The following ADAM22 variants were observed in gnomAD, a reference collection of about 807,000 sequenced individuals.
The protein encoded by ADAM22 is ADAM metallopeptidase domain 22, also known as disintegrin and metalloproteinase domain-containing protein 22.
A neutral mutation model predicts 144.6 loss-of-function variants in ADAM22; 65 were observed. That is an observed-to-expected ratio of 0.45 (90% CI 0.37 to 0.55). The LOEUF is 0.55. Ranked by LOEUF, ADAM22 falls within the 20% of genes least tolerant of loss-of-function variation. The probability of loss-of-function intolerance (pLI) is 0.00; values close to 1 mark genes in which losing one functional copy is unlikely to be tolerated. For missense variants in ADAM22, 974 were observed against 1,184.9 expected, an observed-to-expected ratio of 0.82 and a Z score of 2.61; for synonymous variants, 391 against 412.6, an observed-to-expected ratio of 0.95 and a Z score of 0.63.
At chr7:88,144,096 G>T (rs116535614) in intron 15 of ADAM22, among the ~76,000 whole-genome samples, 1,732 of 152,266 alleles carry the variant, frequency 0.011, 34 homozygotes, top group African/African-American at 0.039. Context: ...GACAAAAGTT[G>T]ACTCATTTGT....
chr7:88,057,985 A>T, intron 3 of ADAM22, among the ~76,000 whole-genome samples: 1 of 152,216 alleles, frequency 6.6e-6, no homozygotes, highest in East Asian at 1.9e-4. Context: ...ACAAACATTT[A>T]AAAATGACCC....
chr7:88,114,879 A>G (rs1464500228), intron 6 of ADAM22, among the ~76,000 whole-genome samples: 2 of 152,234 alleles, frequency 1.3e-5, no homozygotes, highest in Non-Finnish European at 2.9e-5. Context: ...AATGCATCAT[A>G]AAGTCAAAAA....
At chr7:88,039,109 G>C (rs1291859408) in intron 3 of ADAM22, among the ~76,000 whole-genome samples, 58 of 151,996 alleles carry the variant, frequency 3.8e-4, no homozygotes, top group Non-Finnish European at 1.3e-4. Context: ...AAGGATGGTA[G>C]TCATAATCAT....
At chr7:88,121,239 A>G (rs1829223390) in intron 7 of ADAM22, among the ~76,000 whole-genome samples, 1 of 151,986 alleles carries the variant, frequency 6.6e-6, no homozygotes, top group South Asian at 2.1e-4. Flanking sequence ...ACATTTCCCT[A>G]CAGATTTTAG....
chr7:87,974,377 A>G (rs1038118840), intron 2 of ADAM22, among the ~76,000 whole-genome samples: 3 of 152,162 alleles, frequency 2.0e-5, no homozygotes, highest in African/African-American at 7.2e-5. Flanking sequence ...TTTATCAGCC[A>G]GAAACATGGG....
intron 2 of ADAM22, among the ~76,000 whole-genome samples, chr7:87,958,133 T>C (rs1338252440): frequency 1.3e-5 from 2 of 152,190 alleles, no homozygotes; most frequent in African/African-American, 4.8e-5. Flanking sequence ...TTATTCTGTT[T>C]CGCTGTTATA....
intron 4 of ADAM22, among the ~76,000 whole-genome samples, chr7:88,097,572 G>A (rs1165910620): frequency 2.0e-5 from 3 of 149,608 alleles, no homozygotes; most frequent in Non-Finnish European, 4.4e-5. Flanking sequence ...GAGAAAAAAC[G>A]ATTTCCTTTT....
chr7:88,019,855 ATATGTGTG>A (rs1373000913), intron 3 of ADAM22, among the ~76,000 whole-genome samples: 48 of 132,458 alleles, frequency 3.6e-4, no homozygotes, highest in African/African-American at 1.2e-3. Context: ...ATCTCAAAAA[ATATGTGTG>A]TGTGTGTGTG....
chr7:88,017,823 G>A (rs929723439), intron 3 of ADAM22, among the ~76,000 whole-genome samples: 2 of 144,984 alleles, frequency 1.4e-5, no homozygotes, highest in Non-Finnish European at 2.9e-5. Context: ...GTGTGTGTGT[G>A]TATAAATACA....
At position 88,192,781 on chromosome 7, in the gene ADAM22, C is replaced by T. The variant is rs368498139; in HGVS notation, c.2751-335C>T. Among the ~76,000 whole-genome samples, 13 of 152,274 alleles carry T rather than the reference C, an allele frequency of 8.5e-5. No homozygotes were observed. In the South Asian group the frequency reaches 1.0e-3, roughly 12 times the overall value. On this transcript the variant is annotated intron_variant, in intron 30 of 31. Coordinates refer to ENST00000413139, the MANE Select transcript of ADAM22 (RefSeq NM_001324418.2). ...AGGCACAATATTAATATTTTATACA[C>T]ATAATTTACCATTATAAGCTCTTAG...
chr7:88,128,822 C>G (rs1831065961), intron 9 of ADAM22, 146 bp downstream of exon 9: 1 of 569,258 alleles, frequency 1.8e-6, no homozygotes, highest in South Asian at 2.5e-5. Flanking sequence ...TAACTAGCAA[C>G]AACCTGCAAT....
chr7:88,078,915 A>T (rs774204332), intron 4 of ADAM22, among the ~76,000 whole-genome samples: 31 of 152,200 alleles, frequency 2.0e-4, no homozygotes, highest in Non-Finnish European at 4.0e-4. Context: ...CAAGTTGCAA[A>T]ACACTCTGCA....
chr7:88,009,693 A>C (rs541809044), intron 3 of ADAM22, among the ~76,000 whole-genome samples: 1 of 152,110 alleles, frequency 6.6e-6, no homozygotes, highest in Non-Finnish European at 1.5e-5. Flanking sequence ...TCTGCTTATT[A>C]TTTTAGACAT....
chr7:88,016,246 A>G (rs1216917223), intron 3 of ADAM22, among the ~76,000 whole-genome samples: 2 of 152,076 alleles, frequency 1.3e-5, no homozygotes, highest in African/African-American at 4.8e-5. Flanking sequence ...GGAATGTAAC[A>G]TTTTCTAATT....
At chr7:88,185,314 A>G (rs1398510111) in intron 29 of ADAM22, among the ~76,000 whole-genome samples, 1 of 152,204 alleles carries the variant, frequency 6.6e-6, no homozygotes, top group Non-Finnish European at 1.5e-5. Flanking sequence ...TATTTTGTAT[A>G]GTACCTCGAT....
intron 29 of ADAM22, among the ~76,000 whole-genome samples, chr7:88,183,867 C>CAT (rs10668735): frequency 6.6e-6 from 1 of 150,876 alleles, no homozygotes; most frequent in Non-Finnish European, 1.5e-5. Context: ...TACACACACA[C>CAT]GTATATATTT....
intron 3 of ADAM22, among the ~76,000 whole-genome samples, chr7:88,028,002 C>T (rs1799415453): frequency 1.3e-5 from 2 of 152,096 alleles, no homozygotes; most frequent in Admixed American, 1.3e-4. Context: ...GTTGGCTGGC[C>T]TCGAACTCCT....
chr7:87,968,515 C>G (rs1266667284), intron 2 of ADAM22, among the ~76,000 whole-genome samples: 1 of 152,032 alleles, frequency 6.6e-6, no homozygotes, highest in Non-Finnish European at 1.5e-5. Flanking sequence ...AGCCACTGCA[C>G]TCCAGCCTGG....
chr7:87,979,417 A>G lies in ADAM22; in HGVS notation c.323+1005A>G, dbSNP rs185303940. 5.9e-5 allele frequency among the ~76,000 whole-genome samples: 9 copies of G among 152,302 alleles called. No individual in the cohort carries two copies. In the South Asian group the frequency reaches 8.3e-4, roughly 14 times the overall value. On this transcript the variant is annotated intron_variant, in intron 3 of 31. Coordinates refer to ENST00000413139, the MANE Select transcript of ADAM22 (RefSeq NM_001324418.2). ...GCATTAGCCACATTTTAAATGCTCA[A>G]TAACCCTCTCTGCCTTCACTCCCTC...
Sources: allele counts gnomAD v4.1 joint callset (sites outside exome capture counted in the v4.1 genomes callset), GRCh38; gene constraint gnomAD v4.1.1; transcripts MANE v1.5; gene names NCBI Gene and HGNC (gene_info 2026-07-23, HGNC 2026-07-21).